The following OLFM2 variants were observed in gnomAD, a reference collection of about 807,000 sequenced individuals.
The protein encoded by OLFM2 is noelin-2.
Under a neutral mutation model 43.9 loss-of-function variants are expected in OLFM2, and 20 were observed. That is an observed-to-expected ratio of 0.46 (90% CI 0.32 to 0.66). OLFM2 has a LOEUF of 0.66. OLFM2 is among the 30% of genes least tolerant of loss of function. OLFM2 has a pLI of 0.04. For missense variants in OLFM2, 416 were observed against 643.6 expected (o/e 0.65, Z 3.83); for synonymous variants, 268 against 278.6 (o/e 0.96, Z 0.38).
rs550555167 is a variant in OLFM2 at position 9,932,101 on chromosome 19, G to A, written c.63+4203C>T. Reference sequence around the variant, plus strand: ...GCTAGCTGAACCCTGATAAACTGCCGCTCTAGTGGGGAAACAGAGAATGAA... The same window carrying A: ...GCTAGCTGAACCCTGATAAACTGCCACTCTAGTGGGGAAACAGAGAATGAA... On this transcript the variant is annotated intron_variant, in intron 1 of 5. Transcript: ENST00000264833. Among the ~76,000 whole-genome samples the A allele has an allele frequency of 6.6e-5, 10 of 152,236 alleles. No individual in the cohort carries two copies. In the East Asian group the frequency reaches 1.5e-3, roughly 23 times the overall value.
intron 1 of OLFM2, among the ~76,000 whole-genome samples, chr19:9,932,104 C>G (rs1186944077): frequency 6.6e-6 from 1 of 152,054 alleles, no homozygotes; most frequent in Non-Finnish European, 1.5e-5. Flanking sequence ...AACTGCCGCT[C>G]TAGTGGGGAA....
chr19:9,923,597 A>T (rs917608400), intron 1 of OLFM2, among the ~76,000 whole-genome samples: 1 of 150,236 alleles, frequency 6.7e-6, no homozygotes, highest in African/African-American at 2.4e-5. Context: ...AGAAAGAAGG[A>T]AAGAAAGGAA....
chr19:9,914,514 A>C lies in OLFM2; in HGVS notation c.63+21790T>G, dbSNP rs139795074. 3.2e-3 allele frequency among the ~76,000 whole-genome samples: 487 copies of C among 150,012 alleles called. 4 individuals carry two copies. Among genetic ancestry groups the C allele is most frequent in the Middle Eastern group, 0.031 (9 of 288 alleles). ...CACTTCGGCCACGGGAGGAGTTCCC[A>C]CGACTACCAAGGGCAGTTTCCTACC... On this transcript the variant is annotated intron_variant, in intron 1 of 5. Transcript: ENST00000264833.
chr19:9,857,097 AT>A lies in OLFM2; in HGVS notation c.580+165del. 1 of 833,230 alleles carries A rather than the reference AT, an allele frequency of 1.2e-6. No individual in the cohort carries two copies. Among genetic ancestry groups the A allele is most frequent in the Middle Eastern group, 3.3e-4 (1 of 3,028 alleles). 51.6% of individuals were successfully genotyped at this position (833,230 alleles called of 1,614,324 possible). A position where few individuals can be genotyped will look rare whatever the true frequency, so the allele number is the denominator to read the frequency against. On this transcript the variant is annotated intron_variant, in intron 4 of 5. Transcript: ENST00000264833. This position sits in a 1 kb window ranked among gnomAD's most constrained non-coding sequence, Gnocchi z 5.7. Reference sequence around the variant, plus strand: ...GGGTTAGAGGCCAAGGGTCAGGGCCATTTCCAGCTTCTGGACTCAAGTGTAG... The same window carrying A: ...GGGTTAGAGGCCAAGGGTCAGGGCCATTCCAGCTTCTGGACTCAAGTGTAG...
chr19:9,925,025 G>A (rs1395923768), intron 1 of OLFM2, among the ~76,000 whole-genome samples: 1 of 152,116 alleles, frequency 6.6e-6, no homozygotes, highest in Non-Finnish European at 1.5e-5. Context: ...CACTTTGGGA[G>A]GCTGAGGCAG....
At chr19:9,934,374 T>G (rs1447942041) in intron 1 of OLFM2, among the ~76,000 whole-genome samples, 1 of 151,796 alleles carries the variant, frequency 6.6e-6, no homozygotes, top group East Asian at 1.9e-4. Flanking sequence ...TCCACTGACC[T>G]CGTTAGTCCC....
chr19:9,870,915 G>T (rs1014618866), intron 1 of OLFM2, among the ~76,000 whole-genome samples: 9 of 152,046 alleles, frequency 5.9e-5, no homozygotes, highest in African/African-American at 2.2e-4. Flanking sequence ...GTGCATGTCT[G>T]TGGTTTACAG....
At chr19:9,908,723 C>T (rs898520011) in intron 1 of OLFM2, among the ~76,000 whole-genome samples, 2 of 151,788 alleles carry the variant, frequency 1.3e-5, no homozygotes, top group Non-Finnish European at 2.9e-5. Context: ...GTGATCTGCC[C>T]GCATCAGCCT....
At chr19:9,936,145 T>C (rs1216462804) in intron 1 of OLFM2, among the ~76,000 whole-genome samples, 159 bp downstream of exon 1, 1 of 143,650 alleles carries the variant, frequency 7.0e-6, no homozygotes, top group Non-Finnish European at 1.5e-5. Context: ...AGCCAGAGAG[T>C]GCACGTCCCG....
chr19:9,907,440 T>C (rs1167607154), intron 1 of OLFM2, among the ~76,000 whole-genome samples: 1 of 150,764 alleles, frequency 6.6e-6, no homozygotes, highest in Non-Finnish European at 1.5e-5. Flanking sequence ...CCAGCCTGGG[T>C]GAGAGCGAGA....
At chr19:9,888,502 C>T (rs760035860) in intron 1 of OLFM2, among the ~76,000 whole-genome samples, 103 of 136,646 alleles carry the variant, frequency 7.5e-4, no homozygotes, top group Non-Finnish European at 1.4e-3. Flanking sequence ...CCAGTCTGGG[C>T]GACAGTGAGA....
At chr19:9,922,353 T>C (rs925931104) in intron 1 of OLFM2, among the ~76,000 whole-genome samples, 1 of 152,070 alleles carries the variant, frequency 6.6e-6, no homozygotes, top group African/African-American at 2.4e-5. Context: ...GCAAAAGACT[T>C]AGACATTTCA....
In OLFM2 at chr19:9,903,689, G is replaced by C. The variant is rs576035272; in HGVS notation, c.63+32615C>G. On this transcript the variant is annotated intron_variant, in intron 1 of 5. Transcript: ENST00000264833. ...CACATGGCACTTACGAGGGCTAATG[G>C]AGCCAGCCTTGGCCAGCAAGGTAGG... Among the ~76,000 whole-genome samples the C allele has an allele frequency of 2.6e-5, 4 of 152,292 alleles. No individual in the cohort carries two copies. The South Asian group carries it at 6.2e-4, about 24-fold the overall frequency.
At chr19:9,880,663 C>T (rs574179390) in intron 1 of OLFM2, among the ~76,000 whole-genome samples, 4 of 152,176 alleles carry the variant, frequency 2.6e-5, no homozygotes, top group South Asian at 2.1e-4. Context: ...GAAAAGACCA[C>T]GTGAAGATAC....
At chr19:9,905,362 CAGG>C (rs1468023052) in intron 1 of OLFM2, among the ~76,000 whole-genome samples, 12 of 152,142 alleles carry the variant, frequency 7.9e-5, no homozygotes, top group African/African-American at 2.9e-4. Context: ...GAGGCTGAGG[CAGG>C]AGAATGGCTT....
chr19:9,875,391 A>C (rs2046476908), intron 1 of OLFM2, among the ~76,000 whole-genome samples: 1 of 151,826 alleles, frequency 6.6e-6, no homozygotes, highest in Admixed American at 6.6e-5. Flanking sequence ...TGATCCACAG[A>C]CTCTGATGTC....
intron 1 of OLFM2, among the ~76,000 whole-genome samples, chr19:9,896,505 T>C (rs1440026165): frequency 6.6e-6 from 1 of 152,120 alleles, no homozygotes; most frequent in African/African-American, 2.4e-5. Flanking sequence ...CAAGCCATCC[T>C]CCCACCCCGG....
intron 1 of OLFM2, among the ~76,000 whole-genome samples, chr19:9,916,896 A>G (rs1247147300): frequency 1.3e-5 from 2 of 151,846 alleles, no homozygotes; most frequent in Non-Finnish European, 2.9e-5. Context: ...ACCTTCTTGA[A>G]ACTCCTTTTT....
chr19:9,892,621 G>C (rs1321287277), intron 1 of OLFM2, among the ~76,000 whole-genome samples: 1 of 152,236 alleles, frequency 6.6e-6, no homozygotes, highest in East Asian at 1.9e-4. Flanking sequence ...TGAGGTGGGA[G>C]AATCACTTGA....
Sources: allele counts gnomAD v4.1 joint callset (sites outside exome capture counted in the v4.1 genomes callset), GRCh38; gene constraint gnomAD v4.1.1; non-coding constraint Gnocchi (gnomAD v3.1); transcripts MANE v1.5; gene names NCBI Gene and HGNC (gene_info 2026-07-23, HGNC 2026-07-21).